MTMR3: variants seen among roughly 807,000 people sequenced by gnomAD.
The protein encoded by MTMR3 is phosphatidylinositol-3,5-bisphosphate 3-phosphatase MTMR3.
MTMR3 carries 32 observed loss-of-function variants against 132.4 expected under a neutral mutation model. The observed-to-expected ratio is 0.24, with a 90% CI of 0.18 to 0.32. MTMR3 has a LOEUF of 0.32. Among genes scored for constraint, MTMR3 ranks in the 10% least tolerant of loss-of-function variants. The probability of loss-of-function intolerance (pLI) is 1.00; values close to 1 mark genes in which losing one functional copy is unlikely to be tolerated. For missense variants in MTMR3, 1,216 were observed against 1,489.6 expected (o/e 0.82, Z 3.02); for synonymous variants, 556 against 550.3 (o/e 1.01, Z -0.14).
In MTMR3 at chr22:30,027,187, C is replaced by A. The variant is rs1004366973; in HGVS notation, c.*1386C>A. ...GTGCCTGCCCTCCCTCTTGGGGAGGCCATGCTTGACTCTGCTGAAAGCTGC... is the reference window on the plus strand; with the variant it reads ...GTGCCTGCCCTCCCTCTTGGGGAGGACATGCTTGACTCTGCTGAAAGCTGC... On this transcript the variant is annotated 3_prime_UTR_variant, in exon 20 of 20. Transcript: ENST00000401950. The A allele has an allele frequency of 1.3e-5, 2 of 152,874 alleles. No homozygotes were observed. The highest frequency in any genetic ancestry group is 2.9e-5 in the Non-Finnish European group (2 of 68,150). 9.5% of individuals were successfully genotyped at this position (152,874 alleles called of 1,614,324 possible). A position where few individuals can be genotyped will look rare whatever the true frequency, so the allele number is the denominator to read the frequency against.
At chr22:30,021,925 T>G (rs890163703) in intron 17 of MTMR3, 104 bp from the exon 18 acceptor site, 30 of 850,948 alleles carry the variant, frequency 3.5e-5, no homozygotes, top group Non-Finnish European at 5.4e-5. Flanking sequence ...GTCCTAGCAC[T>G]CGGCCCCACC....
At chr22:30,005,212 T>A (rs2067250462) in intron 9 of MTMR3, 1 of 152,252 alleles carries the variant, frequency 6.6e-6, no homozygotes, top group Admixed American at 6.5e-5. Flanking sequence ...ATCATAATTT[T>A]TATACTTTGC....
chr22:30,014,502 C>CTTTTTTTTTTTTTTTT, intron 14 of MTMR3: 1 of 78,814 alleles, frequency 1.3e-5, no homozygotes, highest in South Asian at 4.6e-4. Context: ...CCCTCCAGTT[C>CTTTTTTTTTTTTTTTT]TTTTTTTTTT....
At chr22:29,918,713 GTCT>G (rs1340257381) in intron 1 of MTMR3, among the ~76,000 whole-genome samples, 5 of 152,314 alleles carry the variant, frequency 3.3e-5, no homozygotes, top group South Asian at 2.1e-4. Flanking sequence ...GGTTAAGATA[GTCT>G]TCTGCTTTCT....
At chr22:29,934,440 A>G (rs2065708683) in intron 1 of MTMR3, among the ~76,000 whole-genome samples, 1 of 152,206 alleles carries the variant, frequency 6.6e-6, no homozygotes, top group Non-Finnish European at 1.5e-5. Context: ...GATTACTTGA[A>G]GAAGGTGGTA....
At chr22:29,938,450 C>T (rs893553539) in intron 1 of MTMR3, among the ~76,000 whole-genome samples, 1 of 152,264 alleles carries the variant, frequency 6.6e-6, no homozygotes, top group Non-Finnish European at 1.5e-5. Context: ...GGAGAGGTCT[C>T]ACTGCTCTTT....
chr22:29,935,095 A>G (rs895249022), intron 1 of MTMR3, among the ~76,000 whole-genome samples: 2 of 152,226 alleles, frequency 1.3e-5, no homozygotes, highest in Admixed American at 6.5e-5. Flanking sequence ...TAAGTTGTAC[A>G]TTAGTTTGTT....
intron 1 of MTMR3, among the ~76,000 whole-genome samples, chr22:29,937,720 A>G (rs528583849): frequency 2.0e-5 from 3 of 152,346 alleles, no homozygotes; most frequent in African/African-American, 7.2e-5. Context: ...GGCAACTTGA[A>G]TCTATGCTCC....
intron 1 of MTMR3, among the ~76,000 whole-genome samples, chr22:29,915,673 C>T (rs906834923): frequency 6.6e-6 from 1 of 152,202 alleles, no homozygotes; most frequent in African/African-American, 2.4e-5. Context: ...ATCCACCCGC[C>T]TTGGCCTCCT....
chr22:29,938,441 G>A (rs2065792660), intron 1 of MTMR3, among the ~76,000 whole-genome samples: 1 of 152,256 alleles, frequency 6.6e-6, no homozygotes, highest in African/African-American at 2.4e-5. Context: ...CCAGCTGAGG[G>A]AGAGGTCTCA....
At chr22:29,919,782 C>A (rs2065375234) in intron 1 of MTMR3, among the ~76,000 whole-genome samples, 1 of 152,198 alleles carries the variant, frequency 6.6e-6, no homozygotes, top group Admixed American at 6.5e-5. Flanking sequence ...CCTGCCTCAC[C>A]TTCCCATAGT....
Position 29,978,582 on chromosome 22 carries a change from A to G in MTMR3, c.93+51A>G, listed in dbSNP as rs762583960. 12 of 1,396,642 alleles carry G rather than the reference A, an allele frequency of 8.6e-6. No homozygotes were observed. The African/African-American group carries it at 1.1e-4, about 13-fold the overall frequency. The allele number at this position is 1,396,642 out of a possible 1,614,324, so 86.5% of individuals were successfully genotyped here. A position where few individuals can be genotyped will look rare whatever the true frequency, so the allele number is the denominator to read the frequency against. Reference sequence around the variant, plus strand: ...AAAATATTTATTTAGCATTAACTGTATAGCAGAGTTAATGGATTTAAGTGT... The same window carrying G: ...AAAATATTTATTTAGCATTAACTGTGTAGCAGAGTTAATGGATTTAAGTGT... On this transcript the variant is annotated intron_variant, in intron 4 of 19. Coordinates refer to ENST00000401950, the MANE Select transcript of MTMR3 (RefSeq NM_021090.4).
rs373125620 is a variant in MTMR3, at chr22:29,976,122, T to G, written c.4-2320T>G. Among the ~76,000 whole-genome samples the G allele has an allele frequency of 1.5e-3, 59 of 38,516 alleles. 1 individual carries two copies. The East Asian group carries it at 0.027, about 18-fold the overall frequency. 25.3% of individuals were successfully genotyped at this position (38,516 alleles called of 152,430 possible). A position where few individuals can be genotyped will look rare whatever the true frequency, so the allele number is the denominator to read the frequency against. ...GTTGACATTTTATTATAGTGTGTGT[T>G]TTTTTTTTTTTTTTAAATCACACTT... On this transcript the variant is annotated intron_variant, in intron 3 of 19. Transcript: ENST00000401950.
chr22:29,958,557 T>G (rs1016010379), intron 2 of MTMR3, among the ~76,000 whole-genome samples: 21 of 152,198 alleles, frequency 1.4e-4, no homozygotes, highest in African/African-American at 4.3e-4. Flanking sequence ...ATGCCATTCC[T>G]GCTCCCCTCT....
intron 1 of MTMR3, among the ~76,000 whole-genome samples, chr22:29,940,601 C>T (rs1242736312): frequency 6.7e-6 from 1 of 149,614 alleles, no homozygotes; most frequent in African/African-American, 2.6e-5. Flanking sequence ...TAGGAAAAAT[C>T]GGAACATTCT....
chr22:29,978,654 C>A (rs1218404145), intron 4 of MTMR3, 123 bp downstream of exon 4: 1 of 735,028 alleles, frequency 1.4e-6, no homozygotes, highest in Non-Finnish European at 2.2e-6. Flanking sequence ...AGTAGAAATG[C>A]AAGCTGGAAA....
intron 1 of MTMR3, among the ~76,000 whole-genome samples, chr22:29,912,956 TAGTC>T (rs1387203317): frequency 1.3e-5 from 2 of 152,192 alleles, no homozygotes; most frequent in South Asian, 4.1e-4. Flanking sequence ...GAAAGGGTCT[TAGTC>T]AGCCAGGCAC....
chr22:29,925,781 G>C (rs1985335309), intron 1 of MTMR3, among the ~76,000 whole-genome samples: 1 of 152,098 alleles, frequency 6.6e-6, no homozygotes, highest in East Asian at 1.9e-4. Context: ...TGGGTGTGAT[G>C]GTGGGCACCT....
chr22:29,888,437 G>C (rs754927692), intron 1 of MTMR3, among the ~76,000 whole-genome samples: 1 of 152,098 alleles, frequency 6.6e-6, no homozygotes, highest in Admixed American at 6.6e-5. Context: ...TAGAATGACT[G>C]TCTATAAAAT....
Sources: allele counts gnomAD v4.1 joint callset (sites outside exome capture counted in the v4.1 genomes callset), GRCh38; gene constraint gnomAD v4.1.1; transcripts MANE v1.5; gene names NCBI Gene and HGNC (gene_info 2026-07-23, HGNC 2026-07-21).